Variants in SV2C observed in about 807,000 individuals in gnomAD.
SV2C encodes the protein solute carrier family 22 member B3.
In SV2C, 49 loss-of-function variants were observed where a neutral mutation model predicts 79.7. The ratio of observed to expected loss-of-function variants is 0.61; its 90% CI spans 0.49 to 0.78. SV2C has a LOEUF of 0.78. Ranked by LOEUF, SV2C falls within the 30% of genes least tolerant of loss-of-function variation. SV2C has a pLI of 0.00. For synonymous variants in SV2C, 334 were observed against 333.2 expected (o/e 1.00, Z -0.03); for missense variants, 833 against 912.9 (o/e 0.91, Z 1.13).
chr5:75,879,631 C>T, the SV2C span, among the ~76,000 whole-genome samples: 1 of 152,200 alleles, frequency 6.6e-6, no homozygotes, highest in African/African-American at 2.4e-5. Context: ...CACATGTCTG[C>T]TCTCATGGGT....
chr5:75,935,338 C>A, the SV2C span, among the ~76,000 whole-genome samples: 2 of 152,022 alleles, frequency 1.3e-5, no homozygotes, highest in East Asian at 3.9e-4. Context: ...AATGTGGTTT[C>A]TTATATATTG....
Position 76,278,369 on chromosome 5 carries a change from C to T in SV2C, c.914-6793C>T, listed in dbSNP as rs1413795349. Among the ~76,000 whole-genome samples the T allele has an allele frequency of 2.6e-5, 4 of 152,030 alleles. No individual in the cohort carries two copies. In the East Asian group the frequency reaches 7.7e-4, roughly 29 times the overall value. ...CTGTCAAGACAATAAAACAGGCCTA[C>T]GTGAGTGGGATTTTGTGTGTGAGCC... On this transcript the variant is annotated intron_variant, in intron 4 of 12. Coordinates refer to ENST00000502798, the MANE Select transcript of SV2C (RefSeq NM_014979.4).
the SV2C span, among the ~76,000 whole-genome samples, chr5:75,912,648 C>T: frequency 6.6e-6 from 1 of 152,090 alleles, no homozygotes; most frequent in Admixed American, 6.5e-5. Context: ...GACCTCATAC[C>T]ATTTCTCTAA....
chr5:75,982,957 C>T, the SV2C span, among the ~76,000 whole-genome samples: 3 of 151,960 alleles, frequency 2.0e-5, no homozygotes, highest in Admixed American at 1.3e-4. Context: ...ACACTGGAGC[C>T]TTTTGGAGGG....
intron 1 of SV2C, among the ~76,000 whole-genome samples, chr5:76,120,690 C>T: frequency 6.6e-6 from 1 of 150,456 alleles, no homozygotes; most frequent in Non-Finnish European, 1.5e-5. Context: ...CTACAAAGGA[C>T]ATGAACTCAT....
the SV2C span, among the ~76,000 whole-genome samples, chr5:76,035,519 T>C: frequency 6.6e-6 from 1 of 152,196 alleles, no homozygotes; most frequent in Non-Finnish European, 1.5e-5. Flanking sequence ...CCAGTAGTCA[T>C]TCAGGAGCAG....
the SV2C span, among the ~76,000 whole-genome samples, chr5:75,897,177 T>C: frequency 6.6e-6 from 1 of 151,214 alleles, no homozygotes; most frequent in Non-Finnish European, 1.5e-5. Context: ...GCCTAGGTTT[T>C]CTTCTAGGGT....
the SV2C span, among the ~76,000 whole-genome samples, chr5:76,044,074 T>C: frequency 6.6e-6 from 1 of 152,130 alleles, no homozygotes; most frequent in African/African-American, 2.4e-5. Context: ...CTGCTCTCCC[T>C]CCAACAGGCC....
chr5:75,884,238 A>T, the SV2C span, among the ~76,000 whole-genome samples: 1 of 152,174 alleles, frequency 6.6e-6, no homozygotes, highest in Non-Finnish European at 1.5e-5. Context: ...GCTTTGCAGT[A>T]ACACTCATAA....
chr5:76,246,171 C>T (rs1239480207), intron 4 of SV2C, among the ~76,000 whole-genome samples: 2 of 152,042 alleles, frequency 1.3e-5, no homozygotes, highest in Non-Finnish European at 2.9e-5. Context: ...AAAGACAATA[C>T]CTTTTATTCA....
chr5:75,903,380 A>T, the SV2C span, among the ~76,000 whole-genome samples: 18,291 of 130,106 alleles, frequency 0.14, 1,155 homozygotes, highest in Middle Eastern at 0.19. Context: ...TTTTTTTTTA[A>T]AAAAAAAAGA....
chr5:76,243,849 C>G (rs1464074540), intron 4 of SV2C, among the ~76,000 whole-genome samples: 1 of 152,204 alleles, frequency 6.6e-6, no homozygotes, highest in Admixed American at 6.5e-5. Flanking sequence ...CATCCTCCCA[C>G]TCCAACTCAC....
At chr5:75,851,734 G>A in the SV2C span, among the ~76,000 whole-genome samples, 1 of 152,164 alleles carries the variant, frequency 6.6e-6, no homozygotes, top group African/African-American at 2.4e-5. Flanking sequence ...TCCCCCTCCC[G>A]GGTTCACGCC....
chr5:75,911,787 A>G, the SV2C span: 12 of 588,684 alleles, frequency 2.0e-5, 1 homozygote, highest in Admixed American at 1.1e-4. Flanking sequence ...ACCAGCTTTA[A>G]GTCTCCACAG....
chr5:76,147,780 A>C (rs1031892424), intron 2 of SV2C, among the ~76,000 whole-genome samples: 2 of 152,256 alleles, frequency 1.3e-5, no homozygotes, highest in East Asian at 3.8e-4. Flanking sequence ...AGGTAAATAA[A>C]GCTTACCTCT....
intron 12 of SV2C, among the ~76,000 whole-genome samples, chr5:76,352,017 A>G (rs1279977509): frequency 1.3e-5 from 2 of 152,208 alleles, no homozygotes; most frequent in African/African-American, 4.8e-5. Context: ...GTTCGAGACC[A>G]GCCTGGCCAA....
intron 12 of SV2C, among the ~76,000 whole-genome samples, chr5:76,341,800 A>T (rs1247166819): frequency 6.6e-6 from 1 of 151,570 alleles, no homozygotes; most frequent in African/African-American, 2.4e-5. Context: ...TCCTTTCACT[A>T]TGAGGATATT....
chr5:76,285,672 T>A (rs1231111398), intron 5 of SV2C, 109 bp from the exon 6 acceptor site: 2 of 855,350 alleles, frequency 2.3e-6, no homozygotes, highest in Non-Finnish European at 3.8e-6. Flanking sequence ...CTGAGATACA[T>A]TTGCACAATT....
chr5:76,177,236 A>ATT (rs201545113), intron 2 of SV2C, among the ~76,000 whole-genome samples: 14,844 of 148,678 alleles, frequency 0.1, 1,383 homozygotes, highest in East Asian at 0.29. Context: ...TAATCTGTAT[A>ATT]TATGATTCTT....
Sources: gnomAD v4.1 joint callset for allele counts (sites outside exome capture counted in the v4.1 genomes callset) on GRCh38, gnomAD v4.1.1 for gene constraint, MANE v1.5 for transcripts, NCBI Gene and HGNC (gene_info 2026-07-23, HGNC 2026-07-21) for gene names.